Variants in CACHD1 observed in about 807,000 individuals in gnomAD.
CACHD1 encodes the protein cache domain containing 1.
CACHD1 carries 71 observed loss-of-function variants against 138.7 expected under a neutral mutation model. The observed-to-expected ratio is 0.51, with a 90% CI of 0.42 to 0.62. The LOEUF (loss-of-function observed/expected upper bound fraction) is 0.62. Among genes scored for constraint, CACHD1 ranks in the 20% least tolerant of loss-of-function variants. The pLI, the probability that CACHD1 is intolerant of heterozygous loss-of-function variation, is 0.00. For synonymous variants in CACHD1, 578 were observed against 591.5 expected, an observed-to-expected ratio of 0.98 and a Z score of 0.33; for missense variants, 1,389 against 1,625.3, an observed-to-expected ratio of 0.85 and a Z score of 2.50.
At chr1:64,656,831 G>T (rs1649277899) in intron 12 of CACHD1, among the ~76,000 whole-genome samples, 1 of 151,788 alleles carries the variant, frequency 6.6e-6, no homozygotes, top group Non-Finnish European at 1.5e-5. Context: ...AGTAATAAGG[G>T]CAAATATTTT....
At chr1:64,534,700 G>C (rs1049287444) in intron 1 of CACHD1, among the ~76,000 whole-genome samples, 2 of 152,226 alleles carry the variant, frequency 1.3e-5, no homozygotes, top group Admixed American at 6.5e-5. Context: ...CCTAGCTTGG[G>C]GCTGGCCCAT....
chr1:64,600,106 G>A (rs2100573379), intron 3 of CACHD1, among the ~76,000 whole-genome samples: 1 of 152,266 alleles, frequency 6.6e-6, no homozygotes, highest in South Asian at 2.1e-4. Flanking sequence ...ATGGGTAGGA[G>A]AAAGGGTTCA....
intron 1 of CACHD1, among the ~76,000 whole-genome samples, chr1:64,541,238 G>T (rs770646666): frequency 6.6e-5 from 10 of 152,212 alleles, no homozygotes; most frequent in African/African-American, 9.7e-5. Flanking sequence ...CATGCTTTTT[G>T]TGTACAATCC....
At chr1:64,591,444 A>G (rs1338840237) in intron 3 of CACHD1, among the ~76,000 whole-genome samples, 2 of 152,236 alleles carry the variant, frequency 1.3e-5, no homozygotes, top group Non-Finnish European at 2.9e-5. Flanking sequence ...TTAGATCATA[A>G]GGATCCTCAA....
At chr1:64,626,263 C>T (rs571118195) in intron 4 of CACHD1, among the ~76,000 whole-genome samples, 4 of 152,170 alleles carry the variant, frequency 2.6e-5, no homozygotes, top group Non-Finnish European at 5.9e-5. Context: ...GAAATAAAGA[C>T]GAAACTGGCA....
At chr1:64,478,314 T>TG (rs1335977498) in intron 1 of CACHD1, among the ~76,000 whole-genome samples, 1 of 152,170 alleles carries the variant, frequency 6.6e-6, no homozygotes, top group Non-Finnish European at 1.5e-5. Flanking sequence ...TCCACAAGAC[T>TG]GGGAGGGTCC....
At chr1:64,510,682 G>T (rs1032913388) in intron 1 of CACHD1, among the ~76,000 whole-genome samples, 2 of 151,946 alleles carry the variant, frequency 1.3e-5, no homozygotes, top group Non-Finnish European at 2.9e-5. Context: ...TGTTGTTCTG[G>T]TGGTCATTAT....
At chr1:64,559,292 G>A (rs10889486) in intron 2 of CACHD1, among the ~76,000 whole-genome samples, 116,793 of 152,188 alleles carry the variant, frequency 0.77, 47,164 homozygotes, top group Non-Finnish European at 0.89. Context: ...TGGTATATAT[G>A]TACACTATGG....
At chr1:64,473,090 A>G (rs920320818) in intron 1 of CACHD1, among the ~76,000 whole-genome samples, 2 of 152,094 alleles carry the variant, frequency 1.3e-5, no homozygotes, top group Non-Finnish European at 2.9e-5. Flanking sequence ...ATGGTCCTTT[A>G]TCTCCTCCCA....
chr1:64,676,050 T>G, intron 21 of CACHD1, 67 bp downstream of exon 21: 149 of 475,096 alleles, frequency 3.1e-4, no homozygotes, highest in Middle Eastern at 7.1e-4. Context: ...ACATATGTAA[T>G]ACTGTGAGTC....
Position 64,673,249 on chromosome 1 carries a change from A to G in CACHD1, c.2602A>G (p.Thr868Ala). Residue 868 changes from threonine (T) to alanine (A), a missense_variant, in exon 18 of 27, where the codon ACC (threonine) becomes GCC (alanine). This residue lies in a region of CACHD1 where 1,000 missense variants were observed against 1,114.7 expected (regional missense o/e 0.90). Transcript: ENST00000651257. ...TGCACCTGTGGAGCAGCAGCACATCACCCACAAGGTATTTGTCACAAAGCT... is the reference window on the plus strand; with the variant it reads ...TGCACCTGTGGAGCAGCAGCACATCGCCCACAAGGTATTTGTCACAAAGCT... The part of the protein sequence containing the change: ...GHAPVEQQHI[T>A]HKEPLVANDI... 6.2e-7 allele frequency: 1 copy of G among 1,613,994 alleles called. No individual in the cohort carries two copies. Among genetic ancestry groups the G allele is most frequent in the Non-Finnish European group, 8.5e-7 (1 of 1,179,960 alleles).
At chr1:64,599,553 T>C (rs1389706821) in intron 3 of CACHD1, among the ~76,000 whole-genome samples, 1 of 151,640 alleles carries the variant, frequency 6.6e-6, no homozygotes. Flanking sequence ...AGGATAGGAG[T>C]TGGTGGGAAG....
In CACHD1 at chr1:64,557,220, A is replaced by C. The variant is rs1162716194; in HGVS notation, c.261+6564A>C. On this transcript the variant is annotated intron_variant, in intron 2 of 26. Coordinates refer to ENST00000651257, the MANE Select transcript of CACHD1 (RefSeq NM_020925.4). ...AAATTTCTGAGCAAATGCCTCAGAA[A>C]GTAGCAAAATATGGTCTGCAAAACA... 2.6e-5 allele frequency among the ~76,000 whole-genome samples: 4 copies of C among 152,204 alleles called. No homozygotes were observed. The East Asian group carries it at 7.7e-4, about 29-fold the overall frequency.
At chr1:64,681,615 G>T (rs1570480411) in intron 25 of CACHD1, among the ~76,000 whole-genome samples, 2 of 107,032 alleles carry the variant, frequency 1.9e-5, no homozygotes. Flanking sequence ...TGTTTCTCTT[G>T]CTCATTATTT....
chr1:64,688,043 A>G (rs1181288303), intron 26 of CACHD1, among the ~76,000 whole-genome samples: 1 of 151,828 alleles, frequency 6.6e-6, no homozygotes, highest in Non-Finnish European at 1.5e-5. Context: ...AGGTTGGGAA[A>G]GCTTCCCAGA....
In CACHD1 at chr1:64,635,540, T is replaced by G. The variant is rs148676524; in HGVS notation, c.1006+1280T>G. On this transcript the variant is annotated intron_variant, in intron 7 of 26. Transcript: ENST00000651257. ...CTGGGATTACAGGCATGTGCCACCA[T>G]GCCTGGCTAATTTTTGTATTTTAAG... Among the ~76,000 whole-genome samples, 1,461 of 151,560 alleles carry G rather than the reference T, an allele frequency of 9.6e-3. 28 individuals carry two copies. The highest frequency in any genetic ancestry group is 0.034 in the African/African-American group (1,410 of 41,338).
intron 26 of CACHD1, among the ~76,000 whole-genome samples, chr1:64,687,899 A>G (rs1317324105): frequency 6.6e-6 from 1 of 152,148 alleles, no homozygotes; most frequent in African/African-American, 2.4e-5. Flanking sequence ...AGAATTTGCT[A>G]ATGAATAGAT....
chr1:64,471,033 G>A, intron 1 of CACHD1, 91 bp downstream of exon 1: 1 of 1,296,920 alleles, frequency 7.7e-7, no homozygotes, highest in Non-Finnish European at 1.0e-6. Flanking sequence ...TGGACTGTGT[G>A]CATCGGCTCC....
At chr1:64,545,538 A>G (rs895433097) in intron 1 of CACHD1, among the ~76,000 whole-genome samples, 5 of 152,204 alleles carry the variant, frequency 3.3e-5, no homozygotes, top group Non-Finnish European at 4.4e-5. Flanking sequence ...GCATGTTGCA[A>G]TCGTTTTTCA....
Sources: allele counts gnomAD v4.1 joint callset (sites outside exome capture counted in the v4.1 genomes callset), GRCh38; gene constraint gnomAD v4.1.1; regional missense constraint gnomAD v4.1.1; transcripts MANE v1.5; gene names NCBI Gene and HGNC (gene_info 2026-07-23, HGNC 2026-07-21).